The following CEP350 variants were observed in gnomAD, a reference collection of about 807,000 sequenced individuals.
CEP350 encodes centrosome-associated protein 350.
CEP350 carries 126 observed loss-of-function variants against 331.8 expected under a neutral mutation model. The observed-to-expected ratio is 0.38, with a 90% CI of 0.33 to 0.44. The LOEUF (loss-of-function observed/expected upper bound fraction) is 0.44, where lower values mean the gene tolerates loss of function less well. CEP350 is among the 20% of genes least tolerant of loss of function. CEP350 has a pLI of 1.00. For synonymous variants in CEP350, 1,200 were observed against 1,259.5 expected (o/e 0.95, Z 1.00); for missense variants, 3,406 against 3,634.6 (o/e 0.94, Z 1.62).
At chr1:179,993,830 C>T (rs1339011115) in intron 5 of CEP350, among the ~76,000 whole-genome samples, 7 of 152,166 alleles carry the variant, frequency 4.6e-5, no homozygotes, top group Admixed American at 2.0e-4. Flanking sequence ...TTCCATTCCT[C>T]ACTTAAAACT....
Position 180,075,127 on chromosome 1 carries a change from A to G in CEP350, c.5673A>G (p.Gln1891=). Residue 1891 remains glutamine, a synonymous_variant, in exon 28 of 38, where the codon CAA becomes CAG. Transcript: ENST00000367607. ...ATGCAGAAGAAGCAGAAATTCGTCA[A>G]ATGGAAAAACAAGCTTTGGCTGCCT... ...RLDAEEAEIR[Q]MEKQALAAWD... is the part of the protein sequence containing the mutation. The G allele has an allele frequency of 1.2e-6, 2 of 1,613,734 alleles. No homozygotes were observed. Among genetic ancestry groups the G allele is most frequent in the Non-Finnish European group, 1.7e-6 (2 of 1,179,778 alleles).
chr1:180,073,742 C>A, intron 27 of CEP350: 11 of 1,288,408 alleles, frequency 8.5e-6, no homozygotes, highest in Non-Finnish European at 1.1e-5. Context: ...ATTCTTCCTG[C>A]CTCTTGATCT....
At chr1:180,061,634 T>A (rs1436506632) in intron 25 of CEP350, among the ~76,000 whole-genome samples, 1 of 152,260 alleles carries the variant, frequency 6.6e-6, no homozygotes, top group Non-Finnish European at 1.5e-5. Context: ...ATTGGTACAA[T>A]GTAGTCTTAA....
chr1:180,078,730 A>ATGT, intron 29 of CEP350, 56 bp downstream of exon 29: 2 of 1,411,630 alleles, frequency 1.4e-6, no homozygotes, highest in Non-Finnish European at 1.9e-6. Context: ...ACTGAAAGGT[A>ATGT]TGTTAGCAGT....
intron 37 of CEP350, among the ~76,000 whole-genome samples, chr1:180,099,215 A>G (rs148920003): frequency 3.9e-5 from 6 of 152,330 alleles, no homozygotes; most frequent in African/African-American, 4.8e-5. Flanking sequence ...AACTTGAGAA[A>G]TTTACTCAAA....
chr1:179,963,316 A>C (rs1650768793), intron 1 of CEP350, among the ~76,000 whole-genome samples: 1 of 152,002 alleles, frequency 6.6e-6, no homozygotes, highest in South Asian at 2.1e-4. Flanking sequence ...TAGTTTAATT[A>C]AATCTTGTTT....
chr1:180,104,481 G>A (rs1661029744), intron 37 of CEP350, among the ~76,000 whole-genome samples: 2 of 152,092 alleles, frequency 1.3e-5, no homozygotes, highest in South Asian at 4.1e-4. Flanking sequence ...ATTTTTGCAT[G>A]TAATAAACCC....
intron 1 of CEP350, among the ~76,000 whole-genome samples, chr1:179,967,496 C>G (rs1651103906): frequency 6.6e-6 from 1 of 152,192 alleles, no homozygotes; most frequent in Non-Finnish European, 1.5e-5. Flanking sequence ...ACTGCAACCT[C>G]CGCCTTCCGG....
At chr1:180,099,896 A>G (rs567478365) in intron 37 of CEP350, among the ~76,000 whole-genome samples, 13 of 149,282 alleles carry the variant, frequency 8.7e-5, no homozygotes, top group African/African-American at 2.5e-4. Flanking sequence ...AGTGATTCTC[A>G]TGCCTCAACC....
intron 25 of CEP350, among the ~76,000 whole-genome samples, chr1:180,060,850 CT>C (rs927106820): frequency 5.3e-5 from 8 of 150,350 alleles, no homozygotes; most frequent in Admixed American, 1.3e-4. Context: ...AATAGTATAT[CT>C]TTTTTTTTGC....
At position 180,111,183 on chromosome 1, in the gene CEP350, G is replaced by A. The variant is rs145767569; in HGVS notation, c.*22G>A. ...GTGACATCTTGCAAATAAATCGAAC[G>A]CTGAGTGCTAATGTGAGTCCTGGGC... On this transcript the variant is annotated 3_prime_UTR_variant, in exon 38 of 38. Coordinates refer to ENST00000367607, the MANE Select transcript of CEP350 (RefSeq NM_014810.5). The A allele has an allele frequency of 1.3e-3, 2,035 of 1,612,098 alleles. 13 individuals carry two copies. In the African/African-American group the frequency reaches 0.02, roughly 16 times the overall value.
rs1465814181 is a variant in CEP350, at chr1:180,094,002, C to G, written c.7897C>G (p.Leu2633Val). Residue 2633 changes from leucine to valine, a missense_variant, in exon 34 of 38, where the codon CTT becomes GTT. This residue lies in a region of CEP350 where 1,415 missense variants were observed against 1,512.3 expected (regional missense o/e 0.94). Transcript: ENST00000367607. ...IEASVNRSRS[L>V]KIETDNVQDI... Reference sequence around the variant, plus strand: ...AGCCTCAGTTAATAGAAGTAGAAGCCTTAAAATAGAAACAGACAATGTACA... The same window carrying G: ...AGCCTCAGTTAATAGAAGTAGAAGCGTTAAAATAGAAACAGACAATGTACA... 3 of 1,613,694 alleles carry G rather than the reference C, an allele frequency of 1.9e-6. No individual in the cohort carries two copies. Among genetic ancestry groups the G allele is most frequent in the Non-Finnish European group, 2.5e-6 (3 of 1,179,814 alleles).
intron 1 of CEP350, among the ~76,000 whole-genome samples, chr1:179,978,273 A>G (rs555484931): frequency 6.6e-6 from 1 of 152,298 alleles, no homozygotes; most frequent in African/African-American, 2.4e-5. Context: ...TTAAATTGAC[A>G]CAATTGTTGC....
At chr1:180,037,537 G>A (rs923439022) in intron 17 of CEP350, among the ~76,000 whole-genome samples, 7 of 151,582 alleles carry the variant, frequency 4.6e-5, no homozygotes, top group African/African-American at 1.5e-4. Flanking sequence ...TGGTCTAAGC[G>A]CTCTTCCCTT....
intron 25 of CEP350, 74 bp from the exon 26 acceptor site, chr1:180,062,146 A>ATT: frequency 1.6e-6 from 2 of 1,241,504 alleles, no homozygotes; most frequent in Admixed American, 3.6e-5. Context: ...ATATGTGCTG[A>ATT]TTTTTTTTTT....
intron 32 of CEP350, 67 bp from the exon 33 acceptor site, chr1:180,090,647 G>A (rs1277224894): frequency 1.4e-6 from 2 of 1,389,610 alleles, no homozygotes; most frequent in Non-Finnish European, 1.9e-6. Flanking sequence ...GTCTAAGAAT[G>A]TCTGCTTTTT....
At position 180,044,045 on chromosome 1, in the gene CEP350, T is replaced by C. The variant is rs79556502; in HGVS notation, c.4500-6T>C. 2.3e-3 allele frequency: 3,444 copies of C among 1,520,782 alleles called. 56 individuals carry two copies. The African/African-American group carries it at 0.034, about 15-fold the overall frequency. 94.2% of individuals were successfully genotyped at this position (1,520,782 alleles called of 1,614,324 possible). On this transcript the variant is annotated splice_region_variant and splice_polypyrimidine_tract_variant and intron_variant, in intron 20 of 37. Coordinates refer to ENST00000367607, the MANE Select transcript of CEP350 (RefSeq NM_014810.5). Reference sequence around the variant, plus strand: ...AATGTTTAATCAGTTTTTATTTTATTTGTAGGAAAAGTCCATCTGTTTCAC... The same window carrying C: ...AATGTTTAATCAGTTTTTATTTTATCTGTAGGAAAAGTCCATCTGTTTCAC...
chr1:179,973,800 T>C (rs558216167), intron 1 of CEP350, among the ~76,000 whole-genome samples: 1 of 152,314 alleles, frequency 6.6e-6, no homozygotes, highest in East Asian at 1.9e-4. Context: ...TTCCTTATTT[T>C]TCATTTCTTT....
At chr1:180,033,589 G>A (rs948898448) in intron 15 of CEP350, among the ~76,000 whole-genome samples, 1 of 152,272 alleles carries the variant, frequency 6.6e-6, no homozygotes, top group East Asian at 1.9e-4. Context: ...GTAGAGGGAA[G>A]AGTTCAGTGC....
Sources: gnomAD v4.1 joint callset for allele counts (sites outside exome capture counted in the v4.1 genomes callset) on GRCh38, gnomAD v4.1.1 for gene constraint, gnomAD v4.1.1 regional missense constraint, MANE v1.5 for transcripts, NCBI Gene and HGNC (gene_info 2026-07-23, HGNC 2026-07-21) for gene names.